Variants in FRMD4B observed in about 807,000 individuals in gnomAD.
The protein encoded by FRMD4B is FERM domain-containing protein 4B.
FRMD4B carries 74 observed loss-of-function variants against 141.5 expected under a neutral mutation model. That is an observed-to-expected ratio of 0.52 (90% CI 0.43 to 0.63). FRMD4B has a LOEUF of 0.63. Among genes scored for constraint, FRMD4B ranks in the 30% least tolerant of loss-of-function variants. The pLI, the probability that FRMD4B is intolerant of heterozygous loss-of-function variation, is 0.00. For synonymous variants in FRMD4B, 506 were observed against 467.9 expected (o/e 1.08, Z -1.05); for missense variants, 1,366 against 1,253.4 (o/e 1.09, Z -1.36).
chr3:69,180,821 C>A, intron 21 of FRMD4B, 78 bp downstream of exon 21: 1 of 972,374 alleles, frequency 1.0e-6, no homozygotes, highest in South Asian at 1.6e-5. Flanking sequence ...GTCTCATGAT[C>A]CGTGAGGCGG....
rs530194353 is a variant in FRMD4B at position 69,404,651 on chromosome 3, C to T, written c.-1+27983G>A. 3.3e-5 allele frequency among the ~76,000 whole-genome samples: 5 copies of T among 152,238 alleles called. No individual in the cohort carries two copies. In the South Asian group the frequency reaches 6.2e-4, roughly 19 times the overall value. On this transcript the variant is annotated intron_variant, in intron 2 of 5. Coordinates refer to the FRMD4B transcript ENST00000459638. The stretch of plus-strand genomic sequence containing the variant: ...CCAGAGGTCAATAATCCAGGCAGAA[C>T]TGTGAGTTTCGTGCTTGGTACTGGG...
In FRMD4B at chr3:69,269,532, T is replaced by C. The variant is rs1162627751; in HGVS notation, c.501+18220A>G. On this transcript the variant is annotated intron_variant, in intron 5 of 22. Coordinates refer to ENST00000398540, the MANE Select transcript of FRMD4B (RefSeq NM_015123.3). ...TCTGATACCCGCTTCCCCCATGTCA[T>C]GCATCAAGCCAAACTATGGACGGTC... is the stretch of plus-strand genomic sequence containing the variant. 2.7e-4 allele frequency among the ~76,000 whole-genome samples: 41 copies of C among 152,208 alleles called. 1 individual carries two copies. Among genetic ancestry groups the C allele is most frequent in the Non-Finnish European group, 1.5e-5 (1 of 68,036 alleles).
intron 17 of FRMD4B, among the ~76,000 whole-genome samples, chr3:69,190,582 C>T (rs1013115865): frequency 1.3e-5 from 2 of 151,958 alleles, no homozygotes; most frequent in Admixed American, 1.3e-4. Context: ...GCCTGGCTAA[C>T]TTTTTGGATT....
intron 5 of FRMD4B, among the ~76,000 whole-genome samples, chr3:69,277,016 C>T (rs1390295055): frequency 1.3e-5 from 2 of 152,058 alleles, no homozygotes; most frequent in African/African-American, 2.4e-5. Flanking sequence ...GAGACTGTCA[C>T]GAAGTTGGCT....
chr3:69,369,414 T>C (rs867161572), intron 1 of FRMD4B, among the ~76,000 whole-genome samples: 56 of 152,244 alleles, frequency 3.7e-4, no homozygotes, highest in Middle Eastern at 3.4e-3. Flanking sequence ...TAAAACACAA[T>C]GCACAGATAA....
At chr3:69,413,164 T>C (rs779570398) in intron 2 of FRMD4B, among the ~76,000 whole-genome samples, 1 of 152,192 alleles carries the variant, frequency 6.6e-6, no homozygotes. Flanking sequence ...GATGCTCAAC[T>C]AGACTAACAC....
intron 2 of FRMD4B, among the ~76,000 whole-genome samples, chr3:69,399,256 G>A (rs985483004): frequency 1.3e-5 from 2 of 152,154 alleles, no homozygotes; most frequent in Non-Finnish European, 2.9e-5. Flanking sequence ...GCTTGTTTGT[G>A]GTCCAGTTTC....
chr3:69,536,030 G>A, intron 1 of FRMD4B: 1 of 402,844 alleles, frequency 2.5e-6, no homozygotes, highest in South Asian at 2.1e-5. Context: ...GGACCTGCGT[G>A]GCCTTGTCTG....
Position 69,476,013 on chromosome 3 carries a change from A to G in FRMD4B, c.-128-43252T>C, listed in dbSNP as rs1225107478. On this transcript the variant is annotated intron_variant, in intron 1 of 5. Transcript: ENST00000459638. The stretch of plus-strand genomic sequence containing the variant: ...GGCTGCATAAATGTCTTCTTTTGAG[A>G]ACTGTCTGTTCATGTCCTTCACCCA... Among the ~76,000 whole-genome samples the G allele has an allele frequency of 2.0e-5, 3 of 151,136 alleles. No individual in the cohort carries two copies. The East Asian group carries it at 5.8e-4, about 29-fold the overall frequency.
At chr3:69,466,576 G>C (rs1024332361) in intron 1 of FRMD4B, among the ~76,000 whole-genome samples, 1 of 152,186 alleles carries the variant, frequency 6.6e-6, no homozygotes, top group Non-Finnish European at 1.5e-5. Flanking sequence ...TTGGCCATGA[G>C]TTGATAATTG....
At chr3:69,401,652 T>A (rs1704566013) in intron 2 of FRMD4B, among the ~76,000 whole-genome samples, 1 of 152,126 alleles carries the variant, frequency 6.6e-6, no homozygotes. Context: ...TGGGCTCAAG[T>A]GATTCTCCAA....
chr3:69,209,151 A>G (rs1315121154), intron 11 of FRMD4B, among the ~76,000 whole-genome samples: 6 of 151,972 alleles, frequency 3.9e-5, no homozygotes, highest in African/African-American at 7.2e-5. Context: ...CTCAAAAAAA[A>G]AAAAAAAAGA....
intron 1 of FRMD4B, among the ~76,000 whole-genome samples, chr3:69,372,590 G>T (rs7643518): frequency 4.6e-5 from 7 of 151,964 alleles, no homozygotes; most frequent in African/African-American, 1.5e-4. Flanking sequence ...ACCGGAACCT[G>T]GGAGGTGGAG....
chr3:69,301,998 T>A (rs372928265), intron 4 of FRMD4B, among the ~76,000 whole-genome samples: 28 of 152,358 alleles, frequency 1.8e-4, no homozygotes, highest in Admixed American at 7.8e-4. Context: ...TTTCAAAGAA[T>A]GAGAATCTTA....
intron 2 of FRMD4B, among the ~76,000 whole-genome samples, chr3:69,313,048 C>G (rs180756552): frequency 6.6e-6 from 1 of 152,192 alleles, no homozygotes; most frequent in Non-Finnish European, 1.5e-5. Context: ...TTCACTTGCA[C>G]AATGCCATGT....
At position 69,353,721 on chromosome 3, in the gene FRMD4B, C is replaced by T. The variant is rs114823608; in HGVS notation, c.162+32107G>A. On this transcript the variant is annotated intron_variant, in intron 1 of 22. Transcript: ENST00000398540. Reference sequence around the variant, plus strand: ...GTGGAAGTAGGAACTTAAAAACTCCCGACGCCTTCCGCTGCCATATAATCT... The same window carrying T: ...GTGGAAGTAGGAACTTAAAAACTCCTGACGCCTTCCGCTGCCATATAATCT... 725 of 984,138 alleles carry T rather than the reference C, an allele frequency of 7.4e-4. 7 individuals carry two copies. In the African/African-American group the frequency reaches 0.012, roughly 16 times the overall value. The allele number at this position is 984,138 out of a possible 1,614,324, so 61.0% of individuals were successfully genotyped here.
At chr3:69,385,730 G>C (rs986669483) in intron 1 of FRMD4B, 98 bp downstream of exon 1, 1 of 1,076,112 alleles carries the variant, frequency 9.3e-7, no homozygotes, top group Middle Eastern at 3.2e-4. Context: ...AGGAGTTTAA[G>C]AAGAGCTGGG....
intron 1 of FRMD4B, among the ~76,000 whole-genome samples, chr3:69,352,081 G>C (rs993914357): frequency 1.3e-5 from 2 of 152,128 alleles, no homozygotes; most frequent in Non-Finnish European, 2.9e-5. Flanking sequence ...GTATGCTCTG[G>C]AGTGGGACTT....
intron 1 of FRMD4B, among the ~76,000 whole-genome samples, chr3:69,517,711 C>T (rs912938441): frequency 2.6e-5 from 4 of 152,148 alleles, no homozygotes; most frequent in Non-Finnish European, 5.9e-5. Flanking sequence ...CCCCACCCAG[C>T]CTCTTCTTCA....
Sources: allele counts gnomAD v4.1 joint callset (sites outside exome capture counted in the v4.1 genomes callset), GRCh38; gene constraint gnomAD v4.1.1; transcripts MANE v1.5; gene names NCBI Gene and HGNC (gene_info 2026-07-23, HGNC 2026-07-21).